ZHX2: variants seen among roughly 807,000 people sequenced by gnomAD.
ZHX2 encodes zinc fingers and homeoboxes 2.
A neutral mutation model predicts 21.9 loss-of-function variants in ZHX2; 6 were observed. The ratio of observed to expected loss-of-function variants is 0.27; its 90% CI spans 0.15 to 0.54. ZHX2 has a LOEUF of 0.54. Among genes scored for constraint, ZHX2 ranks in the 20% least tolerant of loss-of-function variants. The probability of loss-of-function intolerance (pLI) is 0.95; values close to 1 mark genes in which losing one functional copy is unlikely to be tolerated. For synonymous variants in ZHX2, 434 were observed against 437.1 expected, an observed-to-expected ratio of 0.99 and a Z score of 0.09; for missense variants, 908 against 1,090.7, an observed-to-expected ratio of 0.83 and a Z score of 2.36.
At chr8:122,797,866 T>A (rs935431611) in intron 1 of ZHX2, among the ~76,000 whole-genome samples, 2 of 152,216 alleles carry the variant, frequency 1.3e-5, no homozygotes, top group African/African-American at 4.8e-5. Flanking sequence ...CTAATGATAC[T>A]GAGCATAACA....
intron 1 of ZHX2, among the ~76,000 whole-genome samples, chr8:122,787,088 G>GGTGTGTGTGTGTGTGTGT (rs35726514): frequency 8.1e-5 from 12 of 148,558 alleles, no homozygotes; most frequent in African/African-American, 2.7e-4. Flanking sequence ...GATTGGCAGT[G>GGTGTGTGTGTGTGTGTGT]GTGTGTGTGT....
chr8:122,847,462 C>T (rs936269767), intron 1 of ZHX2, among the ~76,000 whole-genome samples: 1 of 152,224 alleles, frequency 6.6e-6, no homozygotes, highest in South Asian at 2.1e-4. Flanking sequence ...ATGACAGGCA[C>T]GTCATGTCAT....
chr8:122,898,136 A>G (rs1174390175), intron 2 of ZHX2, among the ~76,000 whole-genome samples: 1 of 152,200 alleles, frequency 6.6e-6, no homozygotes, highest in African/African-American at 2.4e-5. Flanking sequence ...TTTTTACAAA[A>G]AACCCATCTA....
At chr8:122,901,546 TG>T (rs1196256480) in intron 2 of ZHX2, among the ~76,000 whole-genome samples, 1 of 152,242 alleles carries the variant, frequency 6.6e-6, no homozygotes, top group Admixed American at 6.5e-5. Context: ...TTTCCCCTGG[TG>T]ATCTTTGTTC....
intron 2 of ZHX2, among the ~76,000 whole-genome samples, chr8:122,885,472 C>T (rs1819817425): frequency 2.0e-5 from 3 of 151,856 alleles, no homozygotes; most frequent in African/African-American, 7.3e-5. Context: ...CCTCCTAGAG[C>T]GTAGGAGTTT....
intron 1 of ZHX2, among the ~76,000 whole-genome samples, chr8:122,824,873 C>T (rs1818228871): frequency 6.6e-6 from 1 of 152,206 alleles, no homozygotes; most frequent in South Asian, 2.1e-4. Flanking sequence ...ATTTTCTTGC[C>T]TTTTCCAGTT....
At chr8:122,849,486 C>G (rs1427455908) in intron 1 of ZHX2, among the ~76,000 whole-genome samples, 1 of 152,166 alleles carries the variant, frequency 6.6e-6, no homozygotes, top group Non-Finnish European at 1.5e-5. Flanking sequence ...ATGCAAAGCC[C>G]TATTCCCTCT....
rs113541187 is a variant in ZHX2 at position 122,931,237 on chromosome 8, G to A, written c.-219-20055G>A. ...TCGTGCATGAGGCTCCACGCCTGGC[G>A]CCTCCAGGAGCCACGAGTATTATGC... On this transcript the variant is annotated intron_variant, in intron 2 of 3. Coordinates refer to ENST00000314393, the MANE Select transcript of ZHX2 (RefSeq NM_014943.5). Among the ~76,000 whole-genome samples the A allele has an allele frequency of 7.9e-5, 12 of 152,258 alleles. 1 individual carries two copies. The highest frequency in any genetic ancestry group is 5.8e-4 in the East Asian group (3 of 5,170).
rs112462578 is a variant in ZHX2, at chr8:122,796,210, T to C, written c.-283+14264T>C. Among the ~76,000 whole-genome samples the C allele has an allele frequency of 8.2e-3, 1,247 of 151,750 alleles. 12 individuals carry two copies. Among genetic ancestry groups the C allele is most frequent in the Non-Finnish European group, 0.015 (998 of 67,920 alleles). On this transcript the variant is annotated intron_variant, in intron 1 of 3. Transcript: ENST00000314393. ...AAGATTAAATCCTTAGCAAGTAGGA[T>C]ATGTAGACACTGGCCCTGTCTTCCC...
intron 3 of ZHX2, among the ~76,000 whole-genome samples, chr8:122,966,214 G>A (rs1813581851): frequency 6.7e-6 from 1 of 150,332 alleles, no homozygotes; most frequent in Non-Finnish European, 1.5e-5. Flanking sequence ...GAATACCTTG[G>A]TTTTTTTTTC....
chr8:122,809,526 G>GA (rs1239758484), intron 1 of ZHX2, among the ~76,000 whole-genome samples: 2 of 150,170 alleles, frequency 1.3e-5, no homozygotes, highest in East Asian at 2.0e-4. Flanking sequence ...AGAGAGAAAG[G>GA]AAAAAAAAAG....
Position 122,952,558 on chromosome 8 carries a change from GCCCAGTTGGCCC to G in ZHX2, c.1051_1062del (p.Gln351_Pro354del). The G allele has an allele frequency of 6.2e-7, 1 of 1,614,126 alleles. No homozygotes were observed. The highest frequency in any genetic ancestry group is 8.5e-7 in the Non-Finnish European group (1 of 1,180,026). On this transcript the variant is annotated inframe_deletion, in exon 3 of 4. Transcript: ENST00000314393. This position sits in a 1 kb window ranked among gnomAD's most constrained non-coding sequence, Gnocchi z 6.9. Reference sequence around the variant, plus strand: ...ACCCCCGACCATCACTGTGCTGCCCGCCCAGTTGGCCCCCACAAAGGTGACGCAGCCCATCCT... The same window carrying G: ...ACCCCCGACCATCACTGTGCTGCCCGCCACAAAGGTGACGCAGCCCATCCT...
chr8:122,940,730 G>A (rs555223456), intron 2 of ZHX2, among the ~76,000 whole-genome samples: 1 of 152,328 alleles, frequency 6.6e-6, no homozygotes, highest in East Asian at 1.9e-4. Flanking sequence ...GAATTTGTGA[G>A]AAATCTAATT....
chr8:122,945,436 C>CAAAAAAAAAAAAAAAAAAAA (rs60890533), intron 2 of ZHX2, among the ~76,000 whole-genome samples: 10 of 73,670 alleles, frequency 1.4e-4, no homozygotes, highest in African/African-American at 4.4e-4. Context: ...CCTGTCTCTG[C>CAAAAAAAAAAAAAAAAAAAA]AAAAAAAAAA....
chr8:122,869,515 A>G (rs894429959), intron 2 of ZHX2, among the ~76,000 whole-genome samples: 34 of 152,032 alleles, frequency 2.2e-4, no homozygotes, highest in Non-Finnish European at 2.4e-4. Context: ...GAGCTGGGGG[A>G]CACCGTGGGG....
At chr8:122,905,068 T>TAGAATATTAGAAATAACCC (rs1455922252) in intron 2 of ZHX2, among the ~76,000 whole-genome samples, 1 of 152,112 alleles carries the variant, frequency 6.6e-6, no homozygotes, top group African/African-American at 2.4e-5. Flanking sequence ...AACTTCAAGA[T>TAGAATATTAGAAATAACCC]AGAATATTAG....
At chr8:122,927,990 A>AG (rs1820898151) in intron 2 of ZHX2, among the ~76,000 whole-genome samples, 1 of 152,144 alleles carries the variant, frequency 6.6e-6, no homozygotes, top group African/African-American at 2.4e-5. Flanking sequence ...AACACTACTG[A>AG]GGTCCTGCTT....
chr8:122,899,589 C>A (rs1820179002), intron 2 of ZHX2, among the ~76,000 whole-genome samples: 1 of 152,158 alleles, frequency 6.6e-6, no homozygotes, highest in Non-Finnish European at 1.5e-5. Flanking sequence ...TTTCCCAGAT[C>A]TTTACCCCAA....
At chr8:122,785,947 T>C (rs1360390427) in intron 1 of ZHX2, among the ~76,000 whole-genome samples, 1 of 152,216 alleles carries the variant, frequency 6.6e-6, no homozygotes, top group Non-Finnish European at 1.5e-5. Context: ...GCAGAGTACC[T>C]TGTGCAGACA....
Sources: gnomAD v4.1 joint callset for allele counts (sites outside exome capture counted in the v4.1 genomes callset) on GRCh38, gnomAD v4.1.1 for gene constraint, Gnocchi (gnomAD v3.1) non-coding constraint, MANE v1.5 for transcripts, NCBI Gene and HGNC (gene_info 2026-07-23, HGNC 2026-07-21) for gene names.